BCL7A: variants seen among roughly 807,000 people sequenced by gnomAD.
BCL7A encodes the protein BAF chromatin remodeling complex subunit BCL7A.
Under a neutral mutation model 28.4 loss-of-function variants are expected in BCL7A, and 11 were observed. That is an observed-to-expected ratio of 0.39 (90% confidence interval 0.24 to 0.64). The LOEUF is 0.64. BCL7A is among the 30% of genes least tolerant of loss of function. The pLI is 0.50. For missense variants in BCL7A, 222 were observed against 274.8 expected (o/e 0.81, Z 1.36); for synonymous variants, 123 against 103.3 (o/e 1.19, Z -1.15).
In BCL7A at chr12:122,050,271, C is replaced by G. The variant is rs184040086; in HGVS notation, c.440-4534C>G. Among the ~76,000 whole-genome samples the G allele has an allele frequency of 3.5e-3, 526 of 149,812 alleles. 3 individuals carry two copies. The highest frequency in any genetic ancestry group is 0.01 in the Middle Eastern group (3 of 294). Reference sequence around the variant, plus strand: ...TTGGGATTACAGGCGTGAGCCACCACAACCAGTCTTGGATCCTTCTTTATT... The same window carrying G: ...TTGGGATTACAGGCGTGAGCCACCAGAACCAGTCTTGGATCCTTCTTTATT... On this transcript the variant is annotated intron_variant, in intron 4 of 5. Coordinates refer to ENST00000261822, the MANE Select transcript of BCL7A (RefSeq NM_001024808.3).
Position 122,059,861 on chromosome 12 carries a change from C to T in BCL7A, c.*698C>T. On this transcript the variant is annotated 3_prime_UTR_variant, in exon 6 of 6. Transcript: ENST00000261822. This position sits in a 1 kb window ranked among gnomAD's most constrained non-coding sequence, Gnocchi z 4.0. ...GGGCACAGTCCCCAAGGGCTCGGCC[C>T]CTTGGATCAGGCTGGGCACTCGCTG... The T allele has an allele frequency of 4.3e-6, 1 of 232,318 alleles. No individual in the cohort carries two copies. Among genetic ancestry groups the T allele is most frequent in the Admixed American group, 5.6e-5 (1 of 17,756 alleles). 14.4% of individuals were successfully genotyped at this position (232,318 alleles called of 1,614,324 possible).
At chr12:122,032,547 G>A (rs1421381624) in intron 2 of BCL7A, among the ~76,000 whole-genome samples, 5 of 152,164 alleles carry the variant, frequency 3.3e-5, no homozygotes, top group Non-Finnish European at 4.4e-5. Context: ...AGGGGAAAAC[G>A]TAAGCCCTGG....
chr12:122,025,963 A>AT, intron 1 of BCL7A, among the ~76,000 whole-genome samples: 1 of 149,386 alleles, frequency 6.7e-6, no homozygotes, highest in South Asian at 2.1e-4. Context: ...AAAAAAAAAA[A>AT]AAAAAGAAGA....
At chr12:122,058,138 A>G (rs1206853865) in intron 5 of BCL7A, among the ~76,000 whole-genome samples, 1 of 152,140 alleles carries the variant, frequency 6.6e-6, no homozygotes, top group East Asian at 1.9e-4. Context: ...TCGAGGCTGC[A>G]GTGAGCTATG....
Position 122,021,922 on chromosome 12 carries a change from G to GTGTGGA in BCL7A, c.-166_-165insGATGTG. 2.4e-6 allele frequency: 1 copy of GTGTGGA among 418,836 alleles called. No individual in the cohort carries two copies. The highest frequency in any genetic ancestry group is 4.2e-6 in the Non-Finnish European group (1 of 238,802). 25.9% of individuals were successfully genotyped at this position (418,836 alleles called of 1,614,324 possible). A position where few individuals can be genotyped will look rare whatever the true frequency, so the allele number is the denominator to read the frequency against. ...CGCGCGGCGGCCCCGGGCTTTGTGT[G>GTGTGGA]TGTGTGTATGTGTGTGTGTGTGTGT... is the stretch of plus-strand genomic sequence containing the variant. On this transcript the variant is annotated 5_prime_UTR_variant, in exon 1 of 6. In the 5' UTR this introduces an upstream ATG that the reference lacks. Coordinates refer to ENST00000261822, the MANE Select transcript of BCL7A (RefSeq NM_001024808.3).
chr12:122,039,189 C>T (rs1438299848), intron 3 of BCL7A, among the ~76,000 whole-genome samples: 2 of 150,904 alleles, frequency 1.3e-5, no homozygotes, highest in South Asian at 2.1e-4. Context: ...CCCAGCTACT[C>T]GGGAGGCTGA....
chr12:122,055,745 A>G (rs1356234349), intron 5 of BCL7A, among the ~76,000 whole-genome samples: 1 of 152,078 alleles, frequency 6.6e-6, no homozygotes, highest in Non-Finnish European at 1.5e-5. Context: ...CAGCCTCCCA[A>G]GTAGGTGGGA....
intron 4 of BCL7A, among the ~76,000 whole-genome samples, chr12:122,044,768 G>C (rs532043535): frequency 5.1e-4 from 78 of 152,266 alleles, no homozygotes; most frequent in Admixed American, 1.5e-3. Flanking sequence ...GGAGGCTGCA[G>C]TGAGCCGTGA....
At chr12:122,046,369 C>T (rs543524253) in intron 4 of BCL7A, among the ~76,000 whole-genome samples, 13 of 152,268 alleles carry the variant, frequency 8.5e-5, no homozygotes, top group Admixed American at 7.9e-4. Context: ...GCAGCTAGGG[C>T]CACCCCAGGG....
chr12:122,035,324 C>T lies in BCL7A; in HGVS notation c.175-7C>T, dbSNP rs763415981. The stretch of plus-strand genomic sequence containing the variant: ...TGACTTGGTTTCTGCTCCATTTTCC[C>T]CTGCAGAAAAACAAGAATAAGAAAA... On this transcript the variant is annotated splice_polypyrimidine_tract_variant and splice_region_variant and intron_variant, in intron 2 of 5. Coordinates refer to ENST00000261822, the MANE Select transcript of BCL7A (RefSeq NM_001024808.3). 2.2e-5 allele frequency: 36 copies of T among 1,613,010 alleles called. No homozygotes were observed. Among genetic ancestry groups the T allele is most frequent in the Non-Finnish European group, 3.0e-5 (35 of 1,179,176 alleles).
chr12:122,032,573 C>T (rs1001839534), intron 2 of BCL7A, among the ~76,000 whole-genome samples: 4 of 152,244 alleles, frequency 2.6e-5, no homozygotes, highest in Middle Eastern at 3.4e-3. Flanking sequence ...CGGGAAGGAC[C>T]GGGCAGCTCT....
At chr12:122,023,239 C>CT (rs977200185) in intron 1 of BCL7A, among the ~76,000 whole-genome samples, 3 of 152,220 alleles carry the variant, frequency 2.0e-5, no homozygotes, top group African/African-American at 7.2e-5. Context: ...CTGATTTCAA[C>CT]TTTATTATTT....
intron 3 of BCL7A, among the ~76,000 whole-genome samples, chr12:122,038,408 G>A (rs1486502628): frequency 7.7e-6 from 1 of 130,576 alleles, no homozygotes; most frequent in Non-Finnish European, 1.5e-5. Context: ...CTCCAGCCTG[G>A]GCAAAGGAGC....
chr12:122,056,840 C>T (rs1951881351), intron 5 of BCL7A, among the ~76,000 whole-genome samples: 3 of 152,072 alleles, frequency 2.0e-5, no homozygotes, highest in Non-Finnish European at 4.4e-5. Context: ...AGAGAAAGGA[C>T]AGAAAGGTAG....
chr12:122,034,741 CAAAAAA>C (rs758389528), intron 2 of BCL7A, among the ~76,000 whole-genome samples: 1 of 122,076 alleles, frequency 8.2e-6, no homozygotes, highest in African/African-American at 3.1e-5. Context: ...GACTCTGTCT[CAAAAAA>C]AAAAAAAAGA....
chr12:122,044,146 T>G (rs1884021523), intron 4 of BCL7A, 93 bp downstream of exon 4: 1 of 1,416,280 alleles, frequency 7.1e-7, no homozygotes, highest in Admixed American at 2.4e-5. Context: ...CCCTGTCATG[T>G]GCCAGCCCCA....
chr12:122,023,801 G>C (rs559609202), intron 1 of BCL7A, among the ~76,000 whole-genome samples: 3 of 152,308 alleles, frequency 2.0e-5, no homozygotes, highest in Non-Finnish European at 2.9e-5. Flanking sequence ...TCTACTGTGG[G>C]ATTCCCCGCG....
At chr12:122,027,340 C>CA (rs1045814487) in intron 1 of BCL7A, among the ~76,000 whole-genome samples, 4 of 152,156 alleles carry the variant, frequency 2.6e-5, no homozygotes, top group African/African-American at 4.8e-5. Flanking sequence ...CTGTGCAGGC[C>CA]AAACAAAACA....
intron 4 of BCL7A, among the ~76,000 whole-genome samples, chr12:122,047,498 TG>T (rs1397712895): frequency 6.6e-6 from 1 of 151,114 alleles, no homozygotes; most frequent in East Asian, 2.0e-4. Context: ...CACTCCAGCC[TG>T]GGCGACAGAG....
Sources: gnomAD v4.1 joint callset for allele counts (sites outside exome capture counted in the v4.1 genomes callset) on GRCh38, gnomAD v4.1.1 for gene constraint, Gnocchi (gnomAD v3.1) non-coding constraint, MANE v1.5 for transcripts, NCBI Gene and HGNC (gene_info 2026-07-23, HGNC 2026-07-21) for gene names.